The following GASK1B variants were observed in gnomAD, a reference collection of about 807,000 sequenced individuals.
The protein encoded by GASK1B is Golgi-associated kinase 1B.
Under a neutral mutation model 42.8 loss-of-function variants are expected in GASK1B, and 34 were observed. That is an observed-to-expected ratio of 0.79 (90% CI 0.60 to 1.06). The LOEUF is 1.06. Ranked by LOEUF, GASK1B falls within the 50% of genes least tolerant of loss-of-function variation. The pLI, the probability that GASK1B is intolerant of heterozygous loss-of-function variation, is 0.00. For missense variants in GASK1B, 686 were observed against 661.0 expected (o/e 1.04, Z -0.42); for synonymous variants, 262 against 259.1 (o/e 1.01, Z -0.11).
intron 3 of GASK1B, among the ~76,000 whole-genome samples, chr4:158,140,483 C>T (rs921279344): frequency 6.6e-6 from 1 of 152,134 alleles, no homozygotes; most frequent in African/African-American, 2.4e-5. Context: ...ATACAAAAAC[C>T]ATATACATTG....
intron 4 of GASK1B, among the ~76,000 whole-genome samples, chr4:158,128,668 C>T (rs1433530451): frequency 1.3e-5 from 2 of 152,150 alleles, no homozygotes; most frequent in Non-Finnish European, 1.5e-5. Flanking sequence ...CAATGGAGCA[C>T]AATGGAGATG....
chr4:158,153,101 T>C (rs1421031897), intron 3 of GASK1B, among the ~76,000 whole-genome samples: 1 of 152,130 alleles, frequency 6.6e-6, no homozygotes, highest in Non-Finnish European at 1.5e-5. Flanking sequence ...TAGAAAACCC[T>C]AAAGACTCCT....
At chr4:158,149,208 T>C (rs900777416) in intron 3 of GASK1B, among the ~76,000 whole-genome samples, 1 of 152,326 alleles carries the variant, frequency 6.6e-6, no homozygotes, top group Admixed American at 6.5e-5. Context: ...TTAGACCTTA[T>C]ATTATGTCAT....
At chr4:158,168,305 C>T (rs775422147) in intron 2 of GASK1B, 23 of 152,046 alleles carry the variant, frequency 1.5e-4, no homozygotes, top group Admixed American at 7.2e-4. Context: ...AATTTTTGTT[C>T]TCAAAGATGC....
intron 3 of GASK1B, among the ~76,000 whole-genome samples, chr4:158,153,606 T>C (rs956918828): frequency 6.6e-6 from 1 of 152,186 alleles, no homozygotes; most frequent in Non-Finnish European, 1.5e-5. Context: ...CTTCAAACTG[T>C]ACTATAAGGC....
intron 2 of GASK1B, among the ~76,000 whole-genome samples, chr4:158,160,407 T>C (rs1167752809): frequency 6.6e-6 from 1 of 152,056 alleles, no homozygotes; most frequent in Non-Finnish European, 1.5e-5. Flanking sequence ...AAGATATGAC[T>C]TCACCCCTGT....
chr4:158,133,296 TAAA>T (rs1263106133), intron 3 of GASK1B, among the ~76,000 whole-genome samples: 1 of 152,156 alleles, frequency 6.6e-6, no homozygotes. Flanking sequence ...ACATTAAAAA[TAAA>T]AAAACTTAAA....
intron 2 of GASK1B, among the ~76,000 whole-genome samples, chr4:158,166,792 T>C (rs1450013600): frequency 2.0e-5 from 3 of 152,136 alleles, no homozygotes; most frequent in African/African-American, 7.2e-5. Context: ...ATTATATTTA[T>C]ATATTTAGTT....
At chr4:158,170,331 A>G in intron 2 of GASK1B, 135 bp downstream of exon 2, 1 of 1,614,244 alleles carries the variant, frequency 6.2e-7, no homozygotes, top group Non-Finnish European at 8.5e-7. Flanking sequence ...GCATGGAAAG[A>G]CACGCTGCTG....
At chr4:158,159,692 T>C (rs1175806189) in intron 2 of GASK1B, 1 of 168,794 alleles carries the variant, frequency 5.9e-6, no homozygotes, top group African/African-American at 2.4e-5. Context: ...AAAGGTTATA[T>C]AGCTGTCCTA....
intron 4 of GASK1B, among the ~76,000 whole-genome samples, chr4:158,129,148 T>C (rs1469947657): frequency 6.6e-6 from 1 of 152,176 alleles, no homozygotes; most frequent in East Asian, 1.9e-4. Flanking sequence ...TCAAAGAAGA[T>C]TTAACTTCAA....
chr4:158,159,543 T>C, intron 2 of GASK1B: 1 of 449,258 alleles, frequency 2.2e-6, no homozygotes, highest in Non-Finnish European at 4.5e-6. Context: ...ATGAGAAGCA[T>C]TCATCTCTCC....
chr4:158,147,816 T>C (rs1175836333), intron 3 of GASK1B, among the ~76,000 whole-genome samples: 2 of 152,032 alleles, frequency 1.3e-5, no homozygotes, highest in African/African-American at 4.8e-5. Flanking sequence ...TTTCTTGATA[T>C]ACAAAAACAT....
At chr4:158,143,727 T>G (rs1402208262) in intron 3 of GASK1B, among the ~76,000 whole-genome samples, 3 of 152,140 alleles carry the variant, frequency 2.0e-5, no homozygotes, top group African/African-American at 7.2e-5. Context: ...CCAGTCAAGA[T>G]GACAAATTGT....
chr4:158,154,851 CAG>C (rs1255459496), intron 3 of GASK1B, among the ~76,000 whole-genome samples: 1 of 151,954 alleles, frequency 6.6e-6, no homozygotes, highest in Admixed American at 6.6e-5. Flanking sequence ...TTTGGGGTCT[CAG>C]GGGAAAGAAT....
At chr4:158,163,277 C>A (rs1732096622) in intron 2 of GASK1B, among the ~76,000 whole-genome samples, 1 of 152,128 alleles carries the variant, frequency 6.6e-6, no homozygotes, top group Non-Finnish European at 1.5e-5. Flanking sequence ...AAAGGTAGCA[C>A]TCAAGAGTGT....
At position 158,170,503 on chromosome 4, in the gene GASK1B, G is replaced by A; in HGVS notation, c.873C>T (p.Thr291=). ...CTGCTTTCCTGCTCACAGACGGCAG[G>A]GTCCTGTTGAGCCCCAGGATCCTGT... is the stretch of plus-strand genomic sequence containing the variant. ...HLDRILGLNR[T]LPSVSRKAEF... Residue 291 remains threonine (T), a synonymous_variant, in exon 2 of 5, where the codon ACC becomes ACT. Coordinates refer to ENST00000585682, the MANE Select transcript of GASK1B (RefSeq NM_001128424.2). 1 of 1,614,246 alleles carries A rather than the reference G, an allele frequency of 6.2e-7. No homozygotes were observed. The highest frequency in any genetic ancestry group is 8.5e-7 in the Non-Finnish European group (1 of 1,180,040).
At chr4:158,129,921 A>G (rs900358127) in intron 4 of GASK1B, among the ~76,000 whole-genome samples, 4 of 152,172 alleles carry the variant, frequency 2.6e-5, no homozygotes, top group African/African-American at 9.7e-5. Context: ...CTGGGGTTGA[A>G]CAGCTCACAC....
chr4:158,135,789 T>C (rs1382342946), intron 3 of GASK1B, among the ~76,000 whole-genome samples: 1 of 152,094 alleles, frequency 6.6e-6, no homozygotes, highest in Non-Finnish European at 1.5e-5. Context: ...AGAACTTCCG[T>C]AGGATTTCAG....
Sources: gnomAD v4.1 joint callset for allele counts (sites outside exome capture counted in the v4.1 genomes callset) on GRCh38, gnomAD v4.1.1 for gene constraint, MANE v1.5 for transcripts, NCBI Gene and HGNC (gene_info 2026-07-23, HGNC 2026-07-21) for gene names.